The following SCAF4 variants were observed in gnomAD, a reference collection of about 807,000 sequenced individuals.
SCAF4 encodes SR-related and CTD-associated factor 4.
SCAF4 carries 25 observed loss-of-function variants against 129.8 expected under a neutral mutation model. The ratio of observed to expected loss-of-function variants is 0.19; its 90% CI spans 0.14 to 0.27. The LOEUF (loss-of-function observed/expected upper bound fraction) is 0.27, where lower values mean the gene tolerates loss of function less well. SCAF4 is among the 10% of genes least tolerant of loss of function. The pLI, the probability that SCAF4 is intolerant of heterozygous loss-of-function variation, is 1.00. For synonymous variants in SCAF4, 551 were observed against 497.7 expected, an observed-to-expected ratio of 1.11 and a Z score of -1.43; for missense variants, 1,246 against 1,457.1, an observed-to-expected ratio of 0.86 and a Z score of 2.36.
chr21:31,690,788 C>T lies in SCAF4; in HGVS notation c.1885+9G>A. 6.2e-7 allele frequency: 1 copy of T among 1,605,936 alleles called. No individual in the cohort carries two copies. The highest frequency in any genetic ancestry group is 8.5e-7 in the Non-Finnish European group (1 of 1,176,808). Reference sequence around the variant, plus strand: ...AGTGAACTGTAAGAGAAATTAAATACTGCTTTACCTGGGTTAAGTGTGTCA... The same window carrying T: ...AGTGAACTGTAAGAGAAATTAAATATTGCTTTACCTGGGTTAAGTGTGTCA... On this transcript the variant is annotated intron_variant, in intron 15 of 19. Transcript: ENST00000286835.
In SCAF4 at chr21:31,713,756, T is replaced by TGG. The variant is rs376619988; in HGVS notation, c.31-7401_31-7400dup. Among the ~76,000 whole-genome samples the TGG allele has an allele frequency of 3.6e-3, 348 of 96,792 alleles. 1 individual carries two copies. Among genetic ancestry groups the TGG allele is most frequent in the African/African-American group, 8.4e-3 (202 of 24,058 alleles). The allele number at this position is 96,792 out of a possible 152,430, so 63.5% of individuals were successfully genotyped here. On this transcript the variant is annotated intron_variant, in intron 1 of 19. Transcript: ENST00000286835. ...TGGGCAAACCGGAGCGGGGGTGGGG[T>TGG]GGGGGGGGCAGGGAAGAAGCACTGC...
chr21:31,685,545 T>A lies in SCAF4; in HGVS notation c.2209+23A>T, dbSNP rs557832665. The A allele has an allele frequency of 2.7e-5, 44 of 1,614,082 alleles. No individual in the cohort carries two copies. The South Asian group carries it at 4.3e-4, about 16-fold the overall frequency. ...TCACTCCATCGCAGGCTCTAAAGTATGTTCACAGACAATTTAGTGTACCTG... is the reference window on the plus strand; with the variant it reads ...TCACTCCATCGCAGGCTCTAAAGTAAGTTCACAGACAATTTAGTGTACCTG... On this transcript the variant is annotated intron_variant, in intron 17 of 19. Coordinates refer to ENST00000286835, the MANE Select transcript of SCAF4 (RefSeq NM_020706.2).
intron 1 of SCAF4, among the ~76,000 whole-genome samples, chr21:31,730,787 C>G (rs1418903053): frequency 4.6e-5 from 7 of 152,206 alleles, no homozygotes; most frequent in Admixed American, 2.6e-4. Flanking sequence ...CTGGAATGAT[C>G]AGAGAAACAA....
intron 1 of SCAF4, among the ~76,000 whole-genome samples, chr21:31,730,278 GGC>G (rs2051316161): frequency 6.6e-6 from 1 of 152,108 alleles, no homozygotes; most frequent in Non-Finnish European, 1.5e-5. Context: ...CAAATTCTCT[GGC>G]GATCAAAAAC....
At chr21:31,711,375 C>T (rs1312596165) in intron 1 of SCAF4, among the ~76,000 whole-genome samples, 3 of 152,184 alleles carry the variant, frequency 2.0e-5, no homozygotes, top group Non-Finnish European at 4.4e-5. Flanking sequence ...AATGCCTTCA[C>T]TGAACAGATA....
chr21:31,694,712 T>C, intron 10 of SCAF4, 101 bp downstream of exon 10: 1 of 1,186,582 alleles, frequency 8.4e-7, no homozygotes, highest in Non-Finnish European at 1.2e-6. Flanking sequence ...CCCAGGTCTT[T>C]CTTCATATTC....
At chr21:31,724,334 C>T (rs559057371) in intron 1 of SCAF4, among the ~76,000 whole-genome samples, 4 of 152,238 alleles carry the variant, frequency 2.6e-5, no homozygotes, top group Non-Finnish European at 5.9e-5. Context: ...TCTATATTTT[C>T]TGTGGTTTGA....
intron 1 of SCAF4, 70 bp from the exon 2 acceptor site, chr21:31,706,427 A>G (rs1207006759): frequency 6.0e-6 from 6 of 992,464 alleles, no homozygotes; most frequent in South Asian, 2.9e-5. Flanking sequence ...CCTTTCCTAC[A>G]TATCTACATC....
intron 1 of SCAF4, among the ~76,000 whole-genome samples, chr21:31,725,971 G>A (rs2051192563): frequency 6.6e-6 from 1 of 150,942 alleles, no homozygotes; most frequent in African/African-American, 2.4e-5. Context: ...GCATTTCTCA[G>A]TTTAAATTTC....
chr21:31,708,163 G>A (rs1459014456), intron 1 of SCAF4, among the ~76,000 whole-genome samples: 1 of 152,036 alleles, frequency 6.6e-6, no homozygotes, highest in Non-Finnish European at 1.5e-5. Flanking sequence ...CTAGGTGGGC[G>A]GTTCACCTGA....
At chr21:31,685,288 C>A in intron 18 of SCAF4, 48 bp from the exon 19 acceptor site, 1 of 1,511,906 alleles carries the variant, frequency 6.6e-7, no homozygotes, top group Non-Finnish European at 9.2e-7. Context: ...AATTAATTAT[C>A]TCCCGGTCAA....
intron 1 of SCAF4, among the ~76,000 whole-genome samples, chr21:31,718,040 T>C (rs1318596089): frequency 1.3e-5 from 2 of 151,790 alleles, no homozygotes; most frequent in Non-Finnish European, 2.9e-5. Flanking sequence ...GCCTCCCAGG[T>C]TCAAGTGATT....
intron 19 of SCAF4, among the ~76,000 whole-genome samples, chr21:31,681,929 T>C (rs1437750082): frequency 6.6e-6 from 1 of 152,182 alleles, no homozygotes; most frequent in Non-Finnish European, 1.5e-5. Context: ...TTAAAAATAT[T>C]GCCACATTTC....
In SCAF4 at chr21:31,688,114, C is replaced by CAAAAAAAAAAA. The variant is rs61592268; in HGVS notation, c.2043+182_2043+192dup. 3.0e-3 allele frequency among the ~76,000 whole-genome samples: 33 copies of CAAAAAAAAAAA among 10,902 alleles called. 7 individuals are homozygous for CAAAAAAAAAAA. Among genetic ancestry groups the CAAAAAAAAAAA allele is most frequent in the East Asian group, 0.029 (4 of 138 alleles). The allele number at this position is 10,902 out of a possible 152,430, so 7.2% of individuals were successfully genotyped here. A position where few individuals can be genotyped will look rare whatever the true frequency, so the allele number is the denominator to read the frequency against. On this transcript the variant is annotated intron_variant, in intron 16 of 19. Transcript: ENST00000286835. The stretch of plus-strand genomic sequence containing the variant: ...TGGGCAACAAAGAGAGACTCTGTCT[C>CAAAAAAAAAAA]AAAAAAAAAAAAAAAAAAAAAAAAA...
chr21:31,717,149 G>A lies in SCAF4; in HGVS notation c.31-10792C>T, dbSNP rs576077249. Among the ~76,000 whole-genome samples, 222 of 152,242 alleles carry A rather than the reference G, an allele frequency of 1.5e-3. 2 individuals carry two copies. Among genetic ancestry groups the A allele is most frequent in the African/African-American group, 5.0e-3 (206 of 41,554 alleles). On this transcript the variant is annotated intron_variant, in intron 1 of 19. Coordinates refer to ENST00000286835, the MANE Select transcript of SCAF4 (RefSeq NM_020706.2). ...ACTGGGCTGGTGAGATCTAATGGAC[G>A]AGTTTTAATTCCGAAGAGAAATTTA... is the stretch of plus-strand genomic sequence containing the variant.
rs1474995125 is a variant in SCAF4 at position 31,702,286 on chromosome 21, T to C, written c.415A>G (p.Ser139Gly). ...TTTTCTGCTACTGGGGCTGCATTAC[T>C]GGTTCCCGCTGCCATGTCCAAAAGA... is the stretch of plus-strand genomic sequence containing the variant. ...QPLLDMAAGT[S>G]NAAPVAENVT... Residue 139 changes from serine (S) to glycine (G), a missense_variant, in exon 5 of 20, where the codon AGT becomes GGT. Physicochemically the swap from Ser to Gly is moderately conservative, Grantham distance 56 (BLOSUM62 0). Coordinates refer to ENST00000286835, the MANE Select transcript of SCAF4 (RefSeq NM_020706.2). 13 of 1,614,176 alleles carry C rather than the reference T, an allele frequency of 8.1e-6. No individual in the cohort carries two copies. The highest frequency in any genetic ancestry group is 1.1e-5 in the Non-Finnish European group (13 of 1,180,016).
intron 1 of SCAF4, among the ~76,000 whole-genome samples, chr21:31,719,252 C>T (rs527994839): frequency 4.0e-5 from 6 of 151,826 alleles, no homozygotes; most frequent in African/African-American, 1.4e-4. Context: ...ATCACGCCAT[C>T]GCACTCTAGC....
chr21:31,673,077 T>G (rs2049752553), intron 19 of SCAF4, among the ~76,000 whole-genome samples: 1 of 152,222 alleles, frequency 6.6e-6, no homozygotes, highest in African/African-American at 2.4e-5. Context: ...TTATTTCTAT[T>G]CATTCTTCCA....
chr21:31,730,961 G>A (rs1419199399), intron 1 of SCAF4, among the ~76,000 whole-genome samples: 1 of 152,150 alleles, frequency 6.6e-6, no homozygotes, highest in African/African-American at 2.4e-5. Context: ...AAGGCGGAGC[G>A]AATACTCTTC....
Sources: allele counts gnomAD v4.1 joint callset (sites outside exome capture counted in the v4.1 genomes callset), GRCh38; gene constraint gnomAD v4.1.1; transcripts MANE v1.5; gene names NCBI Gene and HGNC (gene_info 2026-07-23, HGNC 2026-07-21).